Variants in GLYATL2 observed in about 807,000 individuals in gnomAD.
GLYATL2 encodes glycine N-acyltransferase-like protein 2.
In GLYATL2, 25 loss-of-function variants were observed where a neutral mutation model predicts 21.4. The ratio of observed to expected loss-of-function variants is 1.17; its 90% CI spans 0.85 to 1.63. The LOEUF (loss-of-function observed/expected upper bound fraction) is 1.63, where lower values mean the gene tolerates loss of function less well. GLYATL2 is among the 40% of genes most tolerant of loss of function. The pLI, the probability that GLYATL2 is intolerant of heterozygous loss-of-function variation, is 0.00. For missense variants in GLYATL2, 361 were observed against 343.3 expected (o/e 1.05, Z -0.41); for synonymous variants, 114 against 118.2 (o/e 0.96, Z 0.23).
chr11:58,850,337 C>A (rs879580466), intron 1 of GLYATL2, among the ~76,000 whole-genome samples: 2 of 151,934 alleles, frequency 1.3e-5, no homozygotes, highest in Non-Finnish European at 2.9e-5. Flanking sequence ...GGGCGGTAAG[C>A]CACCTGAGGC....
Position 58,837,151 on chromosome 11 carries a change from T to C in GLYATL2, c.340A>G (p.Ile114Val). ...GATTTTGAAGTTGCAACCTTTCTTA[T>C]TGCTTCATCCAAGCCCTCTTGGCAA... ...QGCQEGLDEAIRKVATSKSVQ... is the reference protein window; with the variant it reads ...QGCQEGLDEAVRKVATSKSVQ... The change falls in exon 5 of 6, where the codon ATA (isoleucine) becomes GTA (valine). Residue 114 changes from isoleucine to valine, a missense_variant. Transcript: ENST00000287275. 1 of 1,613,948 alleles carries C rather than the reference T, an allele frequency of 6.2e-7. No homozygotes were observed. The highest frequency in any genetic ancestry group is 8.5e-7 in the Non-Finnish European group (1 of 1,179,890).
chr11:58,851,339 A>G (rs1012761941), intron 1 of GLYATL2, among the ~76,000 whole-genome samples: 17 of 152,190 alleles, frequency 1.1e-4, no homozygotes, highest in African/African-American at 1.9e-4. Context: ...GCATCCATTG[A>G]GATGATTATA....
intron 1 of GLYATL2, among the ~76,000 whole-genome samples, chr11:58,881,749 C>T (rs564458635): frequency 6.6e-6 from 1 of 152,194 alleles, no homozygotes; most frequent in Non-Finnish European, 1.5e-5. Context: ...CCCTCCACCC[C>T]ACGACAGGCC....
intron 1 of GLYATL2, among the ~76,000 whole-genome samples, chr11:58,876,869 T>C (rs550661096): frequency 6.6e-6 from 1 of 152,392 alleles, no homozygotes; most frequent in East Asian, 1.9e-4. Context: ...TTTGTTTTTC[T>C]GTGTCCTGCC....
chr11:58,845,887 CAT>C (rs1409620876), upstream of GLYATL2, among the ~76,000 whole-genome samples: 3 of 152,074 alleles, frequency 2.0e-5, no homozygotes, highest in African/African-American at 4.8e-5. Flanking sequence ...CTCCAGATGA[CAT>C]ATAAAAATTA....
intron 1 of GLYATL2, chr11:58,878,500 C>T (rs1854278059): frequency 1.0e-5 from 2 of 196,436 alleles, no homozygotes; most frequent in African/African-American, 4.7e-5. Context: ...TGGACTAGGT[C>T]TAGGAATGAA....
intron 5 of GLYATL2, among the ~76,000 whole-genome samples, chr11:58,835,321 CT>C (rs1490108254): frequency 1.3e-5 from 2 of 152,196 alleles, no homozygotes; most frequent in East Asian, 3.8e-4. Context: ...GATCTTACAT[CT>C]TCATGTGTCC....
chr11:58,872,749 G>T (rs1454537843), intron 1 of GLYATL2, among the ~76,000 whole-genome samples: 2 of 152,224 alleles, frequency 1.3e-5, no homozygotes, highest in Non-Finnish European at 1.5e-5. Flanking sequence ...TTTGGCTTAG[G>T]ATTGACTTGG....
chr11:58,874,805 C>T (rs1042292078), intron 1 of GLYATL2, among the ~76,000 whole-genome samples: 2 of 152,174 alleles, frequency 1.3e-5, no homozygotes, highest in African/African-American at 4.8e-5. Context: ...TCTATTAAGT[C>T]TGCTTGGTGC....
chr11:58,907,343 C>T (rs1296083135), upstream of GLYATL2: 1 of 456,158 alleles, frequency 2.2e-6, no homozygotes, highest in Non-Finnish European at 4.4e-6. Flanking sequence ...GCTGCCCTTC[C>T]TTGCGACACT....
At chr11:58,872,340 T>TCA (rs1232680411) in intron 1 of GLYATL2, among the ~76,000 whole-genome samples, 392 of 152,358 alleles carry the variant, frequency 2.6e-3, no homozygotes, top group African/African-American at 8.8e-3. Flanking sequence ...TTTGGTGTTT[T>TCA]AGACATGAAG....
chr11:58,907,452 A>G (rs1854926118), upstream of GLYATL2: 2 of 437,734 alleles, frequency 4.6e-6, no homozygotes, highest in East Asian at 7.2e-5. Flanking sequence ...CTTGCAAACC[A>G]TTATTTCATG....
At chr11:58,859,812 T>C (rs1468094644) in intron 1 of GLYATL2, among the ~76,000 whole-genome samples, 1 of 152,176 alleles carries the variant, frequency 6.6e-6, no homozygotes, top group African/African-American at 2.4e-5. Flanking sequence ...TGAGATAAGG[T>C]CTAATTTCAA....
chr11:58,883,115 G>T (rs1327629742), intron 1 of GLYATL2, among the ~76,000 whole-genome samples: 2 of 152,126 alleles, frequency 1.3e-5, no homozygotes, highest in Non-Finnish European at 2.9e-5. Context: ...GCTTTATGGG[G>T]ATGGCATTGA....
chr11:58,899,544 C>G (rs568942295), intron 1 of GLYATL2, among the ~76,000 whole-genome samples: 93 of 152,046 alleles, frequency 6.1e-4, no homozygotes, highest in South Asian at 1.7e-3. Flanking sequence ...GCCTCAGATA[C>G]GAGCAGACAA....
chr11:58,848,982 A>G (rs1468390074), upstream of GLYATL2, among the ~76,000 whole-genome samples: 1 of 152,236 alleles, frequency 6.6e-6, no homozygotes, highest in Non-Finnish European at 1.5e-5. Context: ...TACAATGGAG[A>G]TACAATACAT....
chr11:58,907,251 A>C (rs1427401105), upstream of GLYATL2: 1 of 456,222 alleles, frequency 2.2e-6, no homozygotes, highest in Non-Finnish European at 4.4e-6. Flanking sequence ...GTCACCCGCC[A>C]GGTTTGTGGC....
intron 1 of GLYATL2, among the ~76,000 whole-genome samples, chr11:58,882,489 G>A (rs1565104396): frequency 6.6e-6 from 1 of 152,062 alleles, no homozygotes; most frequent in Non-Finnish European, 1.5e-5. Context: ...TTAGCCCTCT[G>A]TCAGATGGGT....
At chr11:58,884,601 G>A (rs1369213731) in intron 1 of GLYATL2, among the ~76,000 whole-genome samples, 2 of 152,158 alleles carry the variant, frequency 1.3e-5, no homozygotes, top group Admixed American at 6.5e-5. Flanking sequence ...TGATGGTGGT[G>A]GAGTGTTCTG....
Sources: gnomAD v4.1 joint callset for allele counts (sites outside exome capture counted in the v4.1 genomes callset) on GRCh38, gnomAD v4.1.1 for gene constraint, MANE v1.5 for transcripts, NCBI Gene and HGNC (gene_info 2026-07-23, HGNC 2026-07-21) for gene names.